UBE2J1: variants seen among roughly 807,000 people sequenced by gnomAD.
UBE2J1 encodes the protein ubiquitin-conjugating enzyme E2 J1.
Under a neutral mutation model 42.1 loss-of-function variants are expected in UBE2J1, and 17 were observed. The observed-to-expected ratio is 0.40, with a 90% CI of 0.28 to 0.61. The LOEUF is 0.61. UBE2J1 is among the 20% of genes least tolerant of loss of function. The probability of loss-of-function intolerance (pLI) is 0.38; values close to 1 mark genes in which losing one functional copy is unlikely to be tolerated. For missense variants in UBE2J1, 291 were observed against 389.4 expected (o/e 0.75, Z 2.13); for synonymous variants, 127 against 137.2 (o/e 0.93, Z 0.52).
intron 5 of UBE2J1, among the ~76,000 whole-genome samples, chr6:89,337,794 C>CA (rs2127865096): frequency 6.6e-6 from 1 of 152,266 alleles, no homozygotes; most frequent in South Asian, 2.1e-4. Context: ...TTGCTATGAG[C>CA]TAGATGCAAA....
chr6:89,338,961 G>C (rs533874190), intron 3 of UBE2J1, among the ~76,000 whole-genome samples: 1 of 151,220 alleles, frequency 6.6e-6, no homozygotes, highest in Non-Finnish European at 1.5e-5. Flanking sequence ...CACCGCGCCC[G>C]GCCAAAAAGA....
intron 1 of UBE2J1, among the ~76,000 whole-genome samples, chr6:89,351,924 C>G (rs1009475339): frequency 6.6e-6 from 1 of 152,206 alleles, no homozygotes; most frequent in Non-Finnish European, 1.5e-5. Context: ...AATACAGATA[C>G]ATTTCATATT....
rs200424776 is a variant in UBE2J1, at chr6:89,333,080, C to T, written c.678+6G>A. 2.1e-4 allele frequency: 344 copies of T among 1,601,364 alleles called. No homozygotes were observed. The highest frequency in any genetic ancestry group is 2.9e-4 in the Non-Finnish European group (337 of 1,174,744). ...ATACATATATATTAAAAGATAAGAG[C>T]CATACCGATGTACTGGCCGTAGCAC... On this transcript the variant is annotated splice_donor_region_variant and intron_variant, in intron 7 of 7. Transcript: ENST00000435041.
chr6:89,332,028 GTTC>G (rs1350088857), intron 7 of UBE2J1, among the ~76,000 whole-genome samples: 1 of 152,110 alleles, frequency 6.6e-6, no homozygotes, highest in African/African-American at 2.4e-5. Flanking sequence ...CTACCACCCT[GTTC>G]TTCTTCAACC....
chr6:89,340,770 T>TTATG (rs1172169868), intron 3 of UBE2J1, among the ~76,000 whole-genome samples: 1 of 135,058 alleles, frequency 7.4e-6, no homozygotes. Context: ...ATTTATTTAT[T>TTATG]TATGTTTTTT....
At chr6:89,331,157 C>T (rs1189805552) in intron 7 of UBE2J1, among the ~76,000 whole-genome samples, 1 of 152,196 alleles carries the variant, frequency 6.6e-6, no homozygotes, top group Non-Finnish European at 1.5e-5. Flanking sequence ...TGATGTATAA[C>T]ATCTCAATTA....
intron 2 of UBE2J1, among the ~76,000 whole-genome samples, chr6:89,343,129 C>T (rs1768280247): frequency 6.6e-6 from 1 of 152,118 alleles, no homozygotes; most frequent in South Asian, 2.1e-4. Flanking sequence ...TCCACCTCCC[C>T]TCCCTCAGAC....
intron 1 of UBE2J1, among the ~76,000 whole-genome samples, chr6:89,352,255 G>A (rs189272452): frequency 5.9e-5 from 9 of 152,300 alleles, no homozygotes; most frequent in South Asian, 2.1e-4. Context: ...CCTGTTCTCA[G>A]GGATGAGTTT....
At chr6:89,332,984 A>G (rs1200422216) in intron 7 of UBE2J1, 102 bp downstream of exon 7, 1 of 1,160,130 alleles carries the variant, frequency 8.6e-7, no homozygotes, top group African/African-American at 1.6e-5. Flanking sequence ...AGTTGTTAAG[A>G]GAACCAAATT....
chr6:89,345,953 C>T (rs1768356315), intron 1 of UBE2J1, among the ~76,000 whole-genome samples: 1 of 149,660 alleles, frequency 6.7e-6, no homozygotes, highest in South Asian at 2.1e-4. Context: ...GTGGTACGAA[C>T]ACAGCTCACT....
At chr6:89,352,203 C>G (rs1169519087) in intron 1 of UBE2J1, among the ~76,000 whole-genome samples, 2 of 152,208 alleles carry the variant, frequency 1.3e-5, no homozygotes, top group Non-Finnish European at 2.9e-5. Flanking sequence ...CCAGGTACAG[C>G]GAGGGGGTTG....
chr6:89,347,710 T>C (rs2127873356), intron 1 of UBE2J1, among the ~76,000 whole-genome samples: 1 of 152,278 alleles, frequency 6.6e-6, no homozygotes, highest in East Asian at 1.9e-4. Flanking sequence ...AAATAACATA[T>C]ATTATGAATG....
chr6:89,348,072 C>G (rs1358851), intron 1 of UBE2J1, among the ~76,000 whole-genome samples: 49,973 of 152,090 alleles, frequency 0.33, 9,182 homozygotes, highest in East Asian at 0.6. Flanking sequence ...TGCCTGGCAA[C>G]CGGGCTACAG....
At chr6:89,343,900 T>C in intron 1 of UBE2J1, 144 bp from the exon 2 acceptor site, 1 of 561,518 alleles carries the variant, frequency 1.8e-6, no homozygotes, top group Non-Finnish European at 3.0e-6. Context: ...ATTATGGGAA[T>C]AAATAGAGGG....
intron 3 of UBE2J1, among the ~76,000 whole-genome samples, chr6:89,340,225 G>T (rs1768218457): frequency 6.6e-6 from 1 of 152,182 alleles, no homozygotes; most frequent in Admixed American, 6.5e-5. Flanking sequence ...CAAAAAAGAA[G>T]TGAACCAGAA....
chr6:89,340,130 G>T (rs1485183172), intron 3 of UBE2J1, among the ~76,000 whole-genome samples: 1 of 152,100 alleles, frequency 6.6e-6, no homozygotes, highest in East Asian at 1.9e-4. Flanking sequence ...GGGGAGAAAG[G>T]CTCTGAGAGA....
At chr6:89,352,018 G>A (rs1405950921) in intron 1 of UBE2J1, among the ~76,000 whole-genome samples, 1 of 152,162 alleles carries the variant, frequency 6.6e-6, no homozygotes, top group African/African-American at 2.4e-5. Flanking sequence ...TTTTGCTTTA[G>A]CTCTATAGTT....
chr6:89,331,873 T>C (rs1273569985), intron 7 of UBE2J1, among the ~76,000 whole-genome samples: 4 of 152,238 alleles, frequency 2.6e-5, no homozygotes, highest in Non-Finnish European at 5.9e-5. Context: ...GCTTTTTCAA[T>C]ATCTTGAACT....
Position 89,352,672 on chromosome 6 carries a change from C to T in UBE2J1, c.-103G>A. The T allele has an allele frequency of 7.6e-7, 1 of 1,321,584 alleles. No individual in the cohort carries two copies. Among genetic ancestry groups the T allele is most frequent in the South Asian group, 1.5e-5 (1 of 65,116 alleles). The allele number at this position is 1,321,584 out of a possible 1,614,324, so 81.9% of individuals were successfully genotyped here. A position where few individuals can be genotyped will look rare whatever the true frequency, so the allele number is the denominator to read the frequency against. On this transcript the variant is annotated 5_prime_UTR_variant, in exon 1 of 8. Transcript: ENST00000435041. Reference sequence around the variant, plus strand: ...GCGGCTCGGGCGGACGGGGCCTGGCCGAGGAGCCTCGGCAAATGCCGCCCA... The same window carrying T: ...GCGGCTCGGGCGGACGGGGCCTGGCTGAGGAGCCTCGGCAAATGCCGCCCA...
Sources: gnomAD v4.1 joint callset for allele counts (sites outside exome capture counted in the v4.1 genomes callset) on GRCh38, gnomAD v4.1.1 for gene constraint, MANE v1.5 for transcripts, NCBI Gene and HGNC (gene_info 2026-07-23, HGNC 2026-07-21) for gene names.